FSD1L: variants seen among roughly 807,000 people sequenced by gnomAD.
FSD1L encodes the protein fibronectin type III and SPRY domain containing 1 like.
A neutral mutation model predicts 71.6 loss-of-function variants in FSD1L; 45 were observed. That is an observed-to-expected ratio of 0.63 (90% CI 0.49 to 0.81). The LOEUF (loss-of-function observed/expected upper bound fraction) is 0.81. Among genes scored for constraint, FSD1L ranks in the 30% least tolerant of loss-of-function variants. The probability of loss-of-function intolerance (pLI) is 0.00; values close to 1 mark genes in which losing one functional copy is unlikely to be tolerated. For missense variants in FSD1L, 561 were observed against 618.1 expected (o/e 0.91, Z 0.98); for synonymous variants, 197 against 207.2 (o/e 0.95, Z 0.42).
Position 105,546,402 on chromosome 9 carries a change from A to T in FSD1L, c.1512A>T (p.Pro504=). ...GLSLSTGMQV[P]SAVRTLQKSE... is the part of the protein sequence containing the mutation. ...CTTTGAGTACTGGGATGCAGGTTCC[A>T]AGTGCTGTGAGAACACTTCAGAAAA... The change falls in exon 14 of 14, where the codon CCA becomes CCT. Residue 504 remains proline (P), a synonymous_variant. Transcript: ENST00000481272. The T allele has an allele frequency of 1.9e-6, 3 of 1,550,280 alleles. No homozygotes were observed. The highest frequency in any genetic ancestry group is 2.6e-6 in the Non-Finnish European group (3 of 1,146,078).
intron 7 of FSD1L, among the ~76,000 whole-genome samples, chr9:105,497,215 A>G (rs575142918): frequency 1.3e-5 from 2 of 152,182 alleles, no homozygotes; most frequent in East Asian, 1.9e-4. Flanking sequence ...TGGAATAAAT[A>G]CCAGTTGGTC....
At chr9:105,442,788 C>A in the FSD1L span, among the ~76,000 whole-genome samples, 1 of 152,200 alleles carries the variant, frequency 6.6e-6, no homozygotes. Context: ...TGCTTATATA[C>A]CTGCACTAAT....
chr9:105,493,007 C>T (rs373048825), intron 7 of FSD1L, among the ~76,000 whole-genome samples: 2 of 152,128 alleles, frequency 1.3e-5, no homozygotes, highest in African/African-American at 4.8e-5. Context: ...CTGTAGATGT[C>T]TATTAGGTCC....
chr9:105,518,849 T>G (rs1398287719), intron 10 of FSD1L, among the ~76,000 whole-genome samples: 1 of 151,962 alleles, frequency 6.6e-6, no homozygotes, highest in Non-Finnish European at 1.5e-5. Flanking sequence ...CTAAAAACCT[T>G]TAAAAAAATC....
At position 105,546,328 on chromosome 9, in the gene FSD1L, A is replaced by C. The variant is rs778465190; in HGVS notation, c.1468-30A>C. ...TCACTGAAATTCTAGTTTGATTTGCAATCTGACAGGTTTTTTTGTCTTTTC... is the reference window on the plus strand; with the variant it reads ...TCACTGAAATTCTAGTTTGATTTGCCATCTGACAGGTTTTTTTGTCTTTTC... On this transcript the variant is annotated intron_variant, in intron 13 of 13. Transcript: ENST00000481272. The C allele has an allele frequency of 9.3e-6, 14 of 1,498,718 alleles. No homozygotes were observed. The South Asian group carries it at 1.5e-4, about 16-fold the overall frequency. The allele number at this position is 1,498,718 out of a possible 1,614,324, so 92.8% of individuals were successfully genotyped here.
chr9:105,520,949 C>A, intron 10 of FSD1L: 7 of 1,611,750 alleles, frequency 4.3e-6, no homozygotes, highest in Non-Finnish European at 5.9e-6. Flanking sequence ...ACAAAGAAAA[C>A]CAAGAAAGGG....
intron 10 of FSD1L, chr9:105,520,122 G>T (rs1369297919): frequency 1.3e-6 from 2 of 1,596,862 alleles, no homozygotes; most frequent in African/African-American, 2.7e-5. Flanking sequence ...CAGTGGCAGC[G>T]GCAGGATGTT....
chr9:105,448,040 C>T lies in FSD1L; in HGVS notation c.-181C>T. On this transcript the variant is annotated 5_prime_UTR_variant, in exon 1 of 14. Transcript: ENST00000481272. The stretch of plus-strand genomic sequence containing the variant: ...CTCCCTTCTGCGGGCCGCCCTTTCA[C>T]CCTGGCAACCGCGGCGTGACTACGG... The T allele has an allele frequency of 1.5e-6, 1 of 677,090 alleles. No individual in the cohort carries two copies. The highest frequency in any genetic ancestry group is 2.6e-6 in the Non-Finnish European group (1 of 387,246). 41.9% of individuals were successfully genotyped at this position (677,090 alleles called of 1,614,324 possible).
chr9:105,497,749 G>T (rs558441429), intron 7 of FSD1L, among the ~76,000 whole-genome samples: 1 of 152,038 alleles, frequency 6.6e-6, no homozygotes, highest in African/African-American at 2.4e-5. Flanking sequence ...GTTATTTATT[G>T]ATTCCATTGA....
At chr9:105,501,274 A>G (rs890907806) in intron 7 of FSD1L, among the ~76,000 whole-genome samples, 1 of 152,014 alleles carries the variant, frequency 6.6e-6, no homozygotes, top group African/African-American at 2.4e-5. Flanking sequence ...TGGTAGTTAT[A>G]TGATAGTTAT....
chr9:105,541,440 ATTTACT>A (rs911176897), intron 13 of FSD1L, among the ~76,000 whole-genome samples: 3 of 151,886 alleles, frequency 2.0e-5, no homozygotes, highest in Non-Finnish European at 2.9e-5. Flanking sequence ...TAAATAGTAG[ATTTACT>A]TTTAATTTGA....
chr9:105,479,144 G>T (rs1039798506), intron 5 of FSD1L, among the ~76,000 whole-genome samples: 3 of 152,208 alleles, frequency 2.0e-5, no homozygotes, highest in Non-Finnish European at 4.4e-5. Flanking sequence ...GGTGATTTTT[G>T]TGGGGTCTGG....
upstream of FSD1L, among the ~76,000 whole-genome samples, chr9:105,446,997 C>A (rs966440571): frequency 1.3e-5 from 2 of 151,990 alleles, no homozygotes; most frequent in Non-Finnish European, 2.9e-5. Context: ...CAGGCCACAC[C>A]GAGCAGGTTC....
chr9:105,503,490 C>T (rs1243166634), intron 7 of FSD1L, among the ~76,000 whole-genome samples: 4 of 152,166 alleles, frequency 2.6e-5, no homozygotes, highest in African/African-American at 7.2e-5. Flanking sequence ...TATCCTTTCT[C>T]CTTTCTGGAG....
intron 7 of FSD1L, among the ~76,000 whole-genome samples, 188 bp from the exon 8 acceptor site, chr9:105,506,211 G>T (rs991293714): frequency 1.4e-4 from 21 of 152,264 alleles, no homozygotes; most frequent in Admixed American, 2.0e-4. Context: ...CTTATCCTTA[G>T]TGTGTGTACT....
chr9:105,546,335 C>A, intron 13 of FSD1L, 23 bp from the exon 14 acceptor site: 1 of 1,500,382 alleles, frequency 6.7e-7, no homozygotes, highest in Non-Finnish European at 8.9e-7. Context: ...TGCAATCTGA[C>A]AGGTTTTTTT....
intron 1 of FSD1L, 96 bp from the exon 2 acceptor site, chr9:105,461,424 A>G: frequency 2.0e-6 from 1 of 508,964 alleles, no homozygotes; most frequent in Non-Finnish European, 3.4e-6. Flanking sequence ...TATATTTTGA[A>G]TCTATTAAAT....
At chr9:105,537,523 TA>T (rs1300546605) in intron 12 of FSD1L, among the ~76,000 whole-genome samples, 1 of 152,140 alleles carries the variant, frequency 6.6e-6, no homozygotes, top group Non-Finnish European at 1.5e-5. Context: ...AGTAGTGAGA[TA>T]CAGTTTTTAG....
chr9:105,542,348 T>C (rs914801980), intron 13 of FSD1L, among the ~76,000 whole-genome samples: 1 of 152,252 alleles, frequency 6.6e-6, no homozygotes, highest in African/African-American at 2.4e-5. Context: ...AGTTTCCTAA[T>C]GACAAATGAT....
Sources: allele counts gnomAD v4.1 joint callset (sites outside exome capture counted in the v4.1 genomes callset), GRCh38; gene constraint gnomAD v4.1.1; transcripts MANE v1.5; gene names NCBI Gene and HGNC (gene_info 2026-07-23, HGNC 2026-07-21).